The following NR3C2 variants were observed in gnomAD, a reference collection of about 807,000 sequenced individuals.
The protein encoded by NR3C2 is nuclear receptor subfamily 3 group C member 2.
A neutral mutation model predicts 86.4 loss-of-function variants in NR3C2; 15 were observed. The ratio of observed to expected loss-of-function variants is 0.17; its 90% CI spans 0.12 to 0.27. NR3C2 has a LOEUF of 0.27. Ranked by LOEUF, NR3C2 falls within the 10% of genes least tolerant of loss-of-function variation. The pLI is 1.00. For missense variants in NR3C2, 960 were observed against 1,195.6 expected (o/e 0.80, Z 2.91); for synonymous variants, 458 against 450.5 (o/e 1.02, Z -0.21).
At chr4:148,114,080 G>GAA in intron 8 of NR3C2, 24 bp downstream of exon 8, 1 of 1,611,748 alleles carries the variant, frequency 6.2e-7, no homozygotes, top group Non-Finnish European at 8.5e-7. Context: ...CTTCACTTAG[G>GAA]AACCAAGGAG....
intron 2 of NR3C2, among the ~76,000 whole-genome samples, chr4:148,428,871 C>T (rs1749672677): frequency 6.6e-6 from 1 of 152,166 alleles, no homozygotes; most frequent in African/African-American, 2.4e-5. Context: ...TCCTCTCCTG[C>T]CATGTCCTGC....
intron 2 of NR3C2, among the ~76,000 whole-genome samples, chr4:148,399,864 A>G (rs1399675029): frequency 6.6e-6 from 1 of 152,226 alleles, no homozygotes; most frequent in African/African-American, 2.4e-5. Flanking sequence ...ACTAGGTTAG[A>G]ACTGTAAATC....
intron 2 of NR3C2, among the ~76,000 whole-genome samples, chr4:148,430,316 G>T (rs1479280154): frequency 6.6e-6 from 1 of 152,080 alleles, no homozygotes; most frequent in East Asian, 1.9e-4. Flanking sequence ...TAGATGATAA[G>T]AGGCAGACAT....
At chr4:148,386,857 A>AC (rs1747286945) in intron 2 of NR3C2, among the ~76,000 whole-genome samples, 1 of 152,166 alleles carries the variant, frequency 6.6e-6, no homozygotes, top group Non-Finnish European at 1.5e-5. Context: ...TCATTCTCTT[A>AC]TACATGCCCT....
chr4:148,151,294 ATG>A (rs1403952348), intron 6 of NR3C2, among the ~76,000 whole-genome samples: 1 of 152,174 alleles, frequency 6.6e-6, no homozygotes, highest in African/African-American at 2.4e-5. Flanking sequence ...CCTCTTTAAT[ATG>A]TGTTTTCTTC....
chr4:148,244,989 AT>A (rs201646000), intron 3 of NR3C2, among the ~76,000 whole-genome samples: 12 of 151,676 alleles, frequency 7.9e-5, no homozygotes, highest in South Asian at 2.1e-4. Flanking sequence ...AATTTCAATG[AT>A]TTTTTTTTCT....
chr4:148,188,267 T>G (rs1403518597), intron 4 of NR3C2, among the ~76,000 whole-genome samples: 8 of 152,178 alleles, frequency 5.3e-5, no homozygotes, highest in Non-Finnish European at 1.0e-4. Flanking sequence ...ATGGTGGTAT[T>G]CTGATGGGGA....
In NR3C2 at chr4:148,152,516, A is replaced by G; in HGVS notation, c.2463T>C (p.His821=). The change falls in exon 6 of 9, where the codon CAT becomes CAC. Residue 821 remains histidine (H), a synonymous_variant. Transcript: ENST00000358102. ...SFALSWRSYK[H]TNSQFLYFAP... is the part of the protein sequence containing the mutation. ...CAAAATAGAGAAATTGGCTGTTCGT[A>G]TGTTTGTACGATCTCCAGCTCAAGG... 1 of 1,614,140 alleles carries G rather than the reference A, an allele frequency of 6.2e-7. No homozygotes were observed. The highest frequency in any genetic ancestry group is 8.5e-7 in the Non-Finnish European group (1 of 1,179,986).
intron 8 of NR3C2, among the ~76,000 whole-genome samples, chr4:148,089,291 C>T (rs1385141680): frequency 2.0e-5 from 3 of 152,112 alleles, no homozygotes; most frequent in Admixed American, 6.5e-5. Flanking sequence ...GCTCTGCACC[C>T]GCAGGATGTT....
At position 148,439,503 on chromosome 4, in the gene NR3C2, G is replaced by A. The variant is rs1459946785; in HGVS notation, c.-2-2641C>T. On this transcript the variant is annotated intron_variant, in intron 1 of 8. Coordinates refer to ENST00000358102, the MANE Select transcript of NR3C2 (RefSeq NM_000901.5). Reference sequence around the variant, plus strand: ...GAAGGCCTTCACTGGCACACTCTGCGTCACTCACATAGCCTCATTCTCTTC... The same window carrying A: ...GAAGGCCTTCACTGGCACACTCTGCATCACTCACATAGCCTCATTCTCTTC... Among the ~76,000 whole-genome samples, 7 of 152,132 alleles carry A rather than the reference G, an allele frequency of 4.6e-5. No homozygotes were observed. The South Asian group carries it at 8.3e-4, about 18-fold the overall frequency.
intron 2 of NR3C2, among the ~76,000 whole-genome samples, chr4:148,270,071 T>C (rs1740599265): frequency 1.1e-5 from 1 of 93,512 alleles, no homozygotes; most frequent in Admixed American, 1.4e-4. Flanking sequence ...GGTTACTGAT[T>C]TCAGCATTTT....
chr4:148,081,163 C>T lies in NR3C2; in HGVS notation c.*181G>A, dbSNP rs1281531059. ...GGAATCCTTCAGACTGCTCTGGTCT[C>T]GCCAAATCCACGGAAAAACAGCTTT... On this transcript the variant is annotated 3_prime_UTR_variant, in exon 9 of 9. Coordinates refer to ENST00000358102, the MANE Select transcript of NR3C2 (RefSeq NM_000901.5). The T allele has an allele frequency of 3.8e-6, 3 of 789,554 alleles. No homozygotes were observed. The highest frequency in any genetic ancestry group is 6.3e-6 in the Non-Finnish European group (3 of 474,202). 48.9% of individuals were successfully genotyped at this position (789,554 alleles called of 1,614,324 possible). A position where few individuals can be genotyped will look rare whatever the true frequency, so the allele number is the denominator to read the frequency against.
intron 3 of NR3C2, among the ~76,000 whole-genome samples, chr4:148,223,927 G>A (rs944967973): frequency 3.3e-5 from 5 of 152,092 alleles, no homozygotes; most frequent in Admixed American, 6.6e-5. Context: ...ATAGGCATGG[G>A]AAGATCCTAT....
intron 2 of NR3C2, among the ~76,000 whole-genome samples, chr4:148,319,759 A>T (rs1167201090): frequency 6.6e-6 from 1 of 150,798 alleles, no homozygotes; most frequent in Non-Finnish European, 1.5e-5. Context: ...GTTGCTTATC[A>T]GCTTAAGGAG....
chr4:148,443,580 A>C (rs1750458204), upstream of NR3C2, among the ~76,000 whole-genome samples: 1 of 152,108 alleles, frequency 6.6e-6, no homozygotes, highest in South Asian at 2.1e-4. Flanking sequence ...ACTAAGCAAA[A>C]GGATGGGGTT....
At chr4:148,316,141 T>C (rs1395728251) in intron 2 of NR3C2, among the ~76,000 whole-genome samples, 1 of 152,182 alleles carries the variant, frequency 6.6e-6, no homozygotes, top group Non-Finnish European at 1.5e-5. Flanking sequence ...GCTTACGATA[T>C]GCTAAGCAAA....
chr4:148,194,766 T>A lies in NR3C2; in HGVS notation c.1994A>T (p.Gln665Leu). Residue 665 changes from glutamine (Q) to leucine (L), a missense_variant, in exon 4 of 9, where the codon CAA becomes CTA. By Grantham distance (113) the Gln-to-Leu change is moderately radical (BLOSUM62 -2). Transcript: ENST00000358102. ...CTTACCTCCTAAATTCATTCCAGCT[T>A]GAAGACATTTCTGAAGTCTGCAAGC... is the stretch of plus-strand genomic sequence containing the variant. Reference protein sequence around the residue: ...CPACRLQKCLQAGMNLGARKS... With the variant: ...CPACRLQKCLLAGMNLGARKS... 6.2e-7 allele frequency: 1 copy of A among 1,610,662 alleles called. No homozygotes were observed. The highest frequency in any genetic ancestry group is 8.5e-7 in the Non-Finnish European group (1 of 1,179,072).
chr4:148,442,760 C>A (rs1176103039), upstream of NR3C2: 1 of 985,422 alleles, frequency 1.0e-6, no homozygotes, highest in Admixed American at 6.1e-5. Flanking sequence ...GGGTGCCGGG[C>A]GGTGGCTACA....
chr4:148,413,609 A>G (rs1347989457), intron 2 of NR3C2, among the ~76,000 whole-genome samples: 1 of 152,156 alleles, frequency 6.6e-6, no homozygotes, highest in African/African-American at 2.4e-5. Context: ...TAATGCGCAG[A>G]TTAATACCTT....
Sources: allele counts gnomAD v4.1 joint callset (sites outside exome capture counted in the v4.1 genomes callset), GRCh38; gene constraint gnomAD v4.1.1; transcripts MANE v1.5; gene names NCBI Gene and HGNC (gene_info 2026-07-23, HGNC 2026-07-21).